MAST1: variants seen among roughly 807,000 people sequenced by gnomAD.
The protein encoded by MAST1 is microtubule-associated serine/threonine-protein kinase 1.
MAST1 carries 40 observed loss-of-function variants against 124.6 expected under a neutral mutation model. The ratio of observed to expected loss-of-function variants is 0.32; its 90% confidence interval spans 0.25 to 0.42. MAST1 has a LOEUF of 0.42. Among genes scored for constraint, MAST1 ranks in the 10% least tolerant of loss-of-function variants. MAST1 has a pLI of 1.00. For missense variants in MAST1, 1,558 were observed against 2,181.9 expected (o/e 0.71, Z 5.70); for synonymous variants, 938 against 939.4 (o/e 1.00, Z 0.03).
chr19:12,868,097 T>A, intron 20 of MAST1, 120 bp downstream of exon 20: 1 of 908,146 alleles, frequency 1.1e-6, no homozygotes, highest in Non-Finnish European at 1.5e-6. Context: ...CACATTGCAA[T>A]TTGGGATTTT....
chr19:12,868,094 CA>C, intron 20 of MAST1, 117 bp downstream of exon 20: 1 of 629,752 alleles, frequency 1.6e-6, no homozygotes, highest in Non-Finnish European at 2.2e-6. Flanking sequence ...ATTCACATTG[CA>C]ATTTGGGATT....
At position 12,867,768 on chromosome 19, in the gene MAST1, G is replaced by C. The variant is rs766523964; in HGVS notation, c.2357G>C (p.Gly786Ala). The change falls in exon 20 of 26, where the codon GGA becomes GCA. Residue 786 changes from glycine (G) to alanine (A), a missense_variant. By Grantham distance (60) the Gly-to-Ala change is moderately conservative. Coordinates refer to ENST00000251472, the MANE Select transcript of MAST1 (RefSeq NM_014975.3). The stretch of plus-strand genomic sequence containing the variant: ...GCGTCCGAGGCCAGTTTCCTGGAGG[G>C]AGAGGCCAGTCCCCCTTTGGGCGCC... ...FSASEASFLE[G>A]EASPPLGARR... 1.9e-6 allele frequency: 3 copies of C among 1,552,114 alleles called. No homozygotes were observed. Among genetic ancestry groups the C allele is most frequent in the Non-Finnish European group, 2.6e-6 (3 of 1,149,586 alleles).
rs1969915041 is a variant in MAST1, at chr19:12,847,856, G to T, written c.573G>T (p.Ala191=). The change falls in exon 7 of 26, where the codon GCG becomes GCT. Residue 191 remains alanine, a synonymous_variant. Transcript: ENST00000251472. The surrounding 1 kb of genome is among the most constrained non-coding windows in gnomAD (Gnocchi z 5.5). ...CTCCGTCCCTCCCGCAGGCCACTGC[G>T]CAGATGGAGGAGAAGCTGCGCGACT... ...VYKERFPKAT[A]QMEEKLRDFT... 2.2e-5 allele frequency: 36 copies of T among 1,609,742 alleles called. No homozygotes were observed. The highest frequency in any genetic ancestry group is 3.1e-5 in the Non-Finnish European group (36 of 1,178,362).
rs540488398 is a variant in MAST1 at position 12,845,411 on chromosome 19, CAA to C, written c.327+1826_327+1827del. Among the ~76,000 whole-genome samples, 489 of 69,104 alleles carry C rather than the reference CAA, an allele frequency of 7.1e-3. 4 individuals are homozygous for C. Among genetic ancestry groups the C allele is most frequent in the African/African-American group, 0.026 (412 of 16,110 alleles). 45.3% of individuals were successfully genotyped at this position (69,104 alleles called of 152,430 possible). A position where few individuals can be genotyped will look rare whatever the true frequency, so the allele number is the denominator to read the frequency against. ...GCAACGTGATGAAACCCTGTTTCTA[CAA>C]AAAAAAAAAAAAAAAAAAAAATTAG... On this transcript the variant is annotated intron_variant, in intron 4 of 25. Transcript: ENST00000251472.
At position 12,870,821 on chromosome 19, in the gene MAST1, C is replaced by A. The variant is rs776039823; in HGVS notation, c.3004-3C>A. The A allele has an allele frequency of 8.1e-6, 13 of 1,599,726 alleles. No homozygotes were observed. The Admixed American group carries it at 2.2e-4, about 28-fold the overall frequency. On this transcript the variant is annotated splice_region_variant and splice_polypyrimidine_tract_variant and intron_variant, in intron 22 of 25. Transcript: ENST00000251472. The stretch of plus-strand genomic sequence containing the variant: ...CTGTCCCTATGGGGTGCTCTTTTCC[C>A]AGCATGTGGAGGAAGGAGGCCCAGC...
At chr19:12,848,131 AC>A in intron 7 of MAST1, 74 bp downstream of exon 7, 1 of 1,335,584 alleles carries the variant, frequency 7.5e-7, no homozygotes, top group South Asian at 1.3e-5. Context: ...CCCTTTCTTC[AC>A]CCCACATACA....
At chr19:12,845,588 TA>T (rs200549270) in intron 4 of MAST1, among the ~76,000 whole-genome samples, 1 of 136,602 alleles carries the variant, frequency 7.3e-6, no homozygotes. Flanking sequence ...TGTCTCGAAA[TA>T]AAAAAAAATA....
chr19:12,851,306 C>A (rs1969956964), intron 7 of MAST1, among the ~76,000 whole-genome samples: 1 of 150,904 alleles, frequency 6.6e-6, no homozygotes, highest in Admixed American at 6.6e-5. Flanking sequence ...CTCTCTGTCA[C>A]CCAGGCAGGA....
chr19:12,852,061 G>A, intron 8 of MAST1, 26 bp downstream of exon 8: 8 of 1,613,892 alleles, frequency 5.0e-6, no homozygotes, highest in Non-Finnish European at 6.8e-6. Context: ...ATGGGTAGGG[G>A]TGGGTTGGTA....
rs1970137135 is a variant in MAST1, at chr19:12,865,201, C to T, written c.1638+23C>T. 3.7e-6 allele frequency: 6 copies of T among 1,610,800 alleles called. No homozygotes were observed. Among genetic ancestry groups the T allele is most frequent in the Non-Finnish European group, 4.2e-6 (5 of 1,178,160 alleles). On this transcript the variant is annotated intron_variant, in intron 14 of 25. Transcript: ENST00000251472. This position sits in a 1 kb window ranked among gnomAD's most constrained non-coding sequence, Gnocchi z 7.1. The stretch of plus-strand genomic sequence containing the variant: ...CAGGTGTGTGTGCGGGCATGGGGGT[C>T]GCTGAGGGTGGAGTGACCCTGCAGG...
chr19:12,840,889 C>G, intron 2 of MAST1, 102 bp from the exon 3 acceptor site: 3 of 780,440 alleles, frequency 3.8e-6, no homozygotes, highest in Non-Finnish European at 7.2e-6. Flanking sequence ...GTGGTCTCCC[C>G]ATAATAGGCG....
rs761662876 is a variant in MAST1, at chr19:12,867,569, C to G, written c.2235C>G (p.Pro745=). 56 of 1,613,358 alleles carry G rather than the reference C, an allele frequency of 3.5e-5. 1 individual carries two copies. The South Asian group carries it at 5.1e-4, about 15-fold the overall frequency. ...SSKREPSTKG[P]EEKVAGKREG... The stretch of plus-strand genomic sequence containing the variant: ...AGCGGGAGCCGAGCACCAAGGGCCC[C>G]GAGGAGAAGGTGGCCGGCAAGCGGG... The change falls in exon 19 of 26, where the codon CCC becomes CCG. Residue 745 remains proline (P), a synonymous_variant. Coordinates refer to ENST00000251472, the MANE Select transcript of MAST1 (RefSeq NM_014975.3).
intron 10 of MAST1, 100 bp downstream of exon 10, chr19:12,852,495 G>A (rs1969974972): frequency 2.7e-6 from 3 of 1,122,720 alleles, no homozygotes; most frequent in African/African-American, 3.1e-5. Context: ...GGATCTCTTG[G>A]TCCTACACTC....
At position 12,847,594 on chromosome 19, in the gene MAST1, G is replaced by T. The variant is rs1477860307; in HGVS notation, c.489-18G>T. The T allele has an allele frequency of 6.2e-7, 1 of 1,614,016 alleles. No homozygotes were observed. Among genetic ancestry groups the T allele is most frequent in the Admixed American group, 1.7e-5 (1 of 59,982 alleles). On this transcript the variant is annotated intron_variant, in intron 5 of 25. Coordinates refer to ENST00000251472, the MANE Select transcript of MAST1 (RefSeq NM_014975.3). This position sits in a 1 kb window ranked among gnomAD's most constrained non-coding sequence, Gnocchi z 5.5. ...TTGGAGGCAGAGGACTCGACAAAAT[G>T]GGCTTCTCTCCCCGCAGCCCCGGGC...
Position 12,841,555 on chromosome 19 carries a change from A to G in MAST1, c.248+489A>G, listed in dbSNP as rs974257251. ...TGGGGTGTCCTTAAATGAATTTTCT[A>G]TGGGCCTTTGGTGAAACTGGGGGAG... On this transcript the variant is annotated intron_variant, in intron 3 of 25. Coordinates refer to ENST00000251472, the MANE Select transcript of MAST1 (RefSeq NM_014975.3). This position sits in a 1 kb window ranked among gnomAD's most constrained non-coding sequence, Gnocchi z 4.3. 2.6e-5 allele frequency among the ~76,000 whole-genome samples: 4 copies of G among 152,130 alleles called. No homozygotes were observed. The highest frequency in any genetic ancestry group is 6.5e-5 in the Admixed American group (1 of 15,280).
Position 12,839,397 on chromosome 19 carries a change from C to T in MAST1, c.83+742C>T, listed in dbSNP as rs150478658. The stretch of plus-strand genomic sequence containing the variant: ...TCCACACACACACAGTTATGTCATC[C>T]AAGATGCAAACATGTGTTTCAATAT... On this transcript the variant is annotated intron_variant, in intron 1 of 25. Transcript: ENST00000251472. 2.7e-3 allele frequency among the ~76,000 whole-genome samples: 412 copies of T among 152,252 alleles called. 3 individuals are homozygous for T. The highest frequency in any genetic ancestry group is 9.7e-3 in the African/African-American group (402 of 41,524).
rs779661796 is a variant in MAST1, at chr19:12,838,523, C to T, written c.-50C>T. On this transcript the variant is annotated 5_prime_UTR_variant, in exon 1 of 26. Transcript: ENST00000251472. The surrounding 1 kb of genome is among the most constrained non-coding windows in gnomAD (Gnocchi z 4.3). ...TTGCTCCCCGCGCCGCCGCCGCCGC[C>T]GCCTCCGCCGCTGCTGCCGCACCTG... 8 of 1,380,974 alleles carry T rather than the reference C, an allele frequency of 5.8e-6. No homozygotes were observed. The highest frequency in any genetic ancestry group is 6.7e-6 in the Non-Finnish European group (7 of 1,045,842). 85.5% of individuals were successfully genotyped at this position (1,380,974 alleles called of 1,614,324 possible). A position where few individuals can be genotyped will look rare whatever the true frequency, so the allele number is the denominator to read the frequency against.
intron 20 of MAST1, among the ~76,000 whole-genome samples, chr19:12,868,198 T>C (rs1282249347): frequency 7.2e-6 from 1 of 138,668 alleles, no homozygotes; most frequent in Non-Finnish European, 1.5e-5. Flanking sequence ...AACCTCCACC[T>C]CCCAAGTTCA....
At chr19:12,858,990 T>G in intron 12 of MAST1, 2 of 591,592 alleles carry the variant, frequency 3.4e-6, no homozygotes, top group East Asian at 2.8e-5. Flanking sequence ...CATCCATCTA[T>G]CCTTCTATCT....
Sources: gnomAD v4.1 joint callset for allele counts (sites outside exome capture counted in the v4.1 genomes callset) on GRCh38, gnomAD v4.1.1 for gene constraint, Gnocchi (gnomAD v3.1) non-coding constraint, MANE v1.5 for transcripts, NCBI Gene and HGNC (gene_info 2026-07-23, HGNC 2026-07-21) for gene names.